TNR: variants seen among roughly 807,000 people sequenced by gnomAD.
TNR encodes tenascin-R.
Under a neutral mutation model 150.4 loss-of-function variants are expected in TNR, and 45 were observed. The ratio of observed to expected loss-of-function variants is 0.30; its 90% CI spans 0.24 to 0.38. TNR has a LOEUF of 0.38. Ranked by LOEUF, TNR falls within the 10% of genes least tolerant of loss-of-function variation. The probability of loss-of-function intolerance (pLI) is 1.00; values close to 1 mark genes in which losing one functional copy is unlikely to be tolerated. For missense variants in TNR, 1,544 were observed against 1,759.1 expected (o/e 0.88, Z 2.19); for synonymous variants, 687 against 678.4 (o/e 1.01, Z -0.20).
At position 175,320,186 on chromosome 1, in the gene TNR, C is replaced by A. The variant is rs1257639938; in HGVS notation, c.*3171G>T. 6.6e-6 allele frequency: 1 copy of A among 152,160 alleles called. No individual in the cohort carries two copies. The highest frequency in any genetic ancestry group is 2.4e-5 in the African/African-American group (1 of 41,382). The allele number at this position is 152,160 out of a possible 1,614,324, so 9.4% of individuals were successfully genotyped here. A position where few individuals can be genotyped will look rare whatever the true frequency, so the allele number is the denominator to read the frequency against. ...GAAACTGGTGTGCATAGGGTGGGTG[C>A]TTTGAGAGTATTGCTTACTGGATCT... On this transcript the variant is annotated 3_prime_UTR_variant, in exon 23 of 23. Transcript: ENST00000367674.
In TNR at chr1:175,565,128, A is replaced by G. The variant is rs373510870; in HGVS notation, c.-164-36759T>C. Among the ~76,000 whole-genome samples, 12 of 152,348 alleles carry G rather than the reference A, an allele frequency of 7.9e-5. No homozygotes were observed. The East Asian group carries it at 1.7e-3, about 22-fold the overall frequency. ...GAATCCTGGATCTTAAGAAAATCAC[A>G]AAAGTTTGGCTTTCTTTTCTTTTTA... On this transcript the variant is annotated intron_variant, in intron 1 of 22. Transcript: ENST00000367674.
At position 175,362,958 on chromosome 1, in the gene TNR, T is replaced by TGAAGAGGAATGTTGA. The variant is rs1651672121; in HGVS notation, c.2708-150_2708-149insTCAACATTCCTCTTC. Reference sequence around the variant, plus strand: ...TACATGGTTCATGGGCTGGGAATGTTGGAGTGTGAAGAGGCTTTGCACACT... The same window carrying TGAAGAGGAATGTTGA: ...TACATGGTTCATGGGCTGGGAATGTTGAAGAGGAATGTTGAGGAGTGTGAAGAGGCTTTGCACACT... On this transcript the variant is annotated intron_variant, in intron 13 of 22. Coordinates refer to ENST00000367674, the MANE Select transcript of TNR (RefSeq NM_003285.3). The TGAAGAGGAATGTTGA allele has an allele frequency of 2.9e-6, 3 of 1,037,952 alleles. No individual in the cohort carries two copies. The East Asian group carries it at 7.4e-5, about 26-fold the overall frequency. The allele number at this position is 1,037,952 out of a possible 1,614,324, so 64.3% of individuals were successfully genotyped here.
chr1:175,448,921 G>A (rs1410597787), intron 2 of TNR, among the ~76,000 whole-genome samples: 1 of 152,178 alleles, frequency 6.6e-6, no homozygotes, highest in African/African-American at 2.4e-5. Flanking sequence ...ACAGAAGAGT[G>A]GTCTGGTCAA....
chr1:175,409,076 C>T (rs2629487), intron 2 of TNR, among the ~76,000 whole-genome samples: 104,179 of 152,064 alleles, frequency 0.69, 36,087 homozygotes, highest in East Asian at 0.83. Flanking sequence ...AAGCTCTACT[C>T]GCCTTCTCAC....
chr1:175,681,881 C>G (rs765101121), intron 1 of TNR, among the ~76,000 whole-genome samples: 4 of 152,200 alleles, frequency 2.6e-5, no homozygotes, highest in Non-Finnish European at 4.4e-5. Context: ...GCTTCATGCT[C>G]TCAGGGTGAA....
chr1:175,685,832 T>C (rs910098743), intron 1 of TNR, among the ~76,000 whole-genome samples: 27 of 146,840 alleles, frequency 1.8e-4, no homozygotes, highest in Admixed American at 1.6e-3. Context: ...GTTCCTTTTT[T>C]ACTCAAACAA....
chr1:175,401,816 TAGA>T (rs979995926), intron 4 of TNR, among the ~76,000 whole-genome samples: 1 of 152,182 alleles, frequency 6.6e-6, no homozygotes, highest in African/African-American at 2.4e-5. Flanking sequence ...ATTGCTCCAT[TAGA>T]AGGTTTAAAA....
intron 1 of TNR, among the ~76,000 whole-genome samples, chr1:175,643,580 A>G (rs1463221778): frequency 6.6e-6 from 1 of 152,178 alleles, no homozygotes; most frequent in African/African-American, 2.4e-5. Context: ...AAACAAAATA[A>G]AGGATGGTTT....
intron 1 of TNR, among the ~76,000 whole-genome samples, chr1:175,570,553 T>C (rs1661824552): frequency 6.6e-6 from 1 of 152,194 alleles, no homozygotes; most frequent in African/African-American, 2.4e-5. Context: ...TATGTAAAGA[T>C]TCCCCACAAA....
intron 2 of TNR, among the ~76,000 whole-genome samples, chr1:175,421,513 CA>C (rs1557923542): frequency 6.6e-6 from 1 of 152,142 alleles, no homozygotes; most frequent in Non-Finnish European, 1.5e-5. Flanking sequence ...TTATATTCAT[CA>C]GGGGCTGTTA....
Position 175,403,337 on chromosome 1 carries a change from T to C in TNR, c.779A>G (p.Asp260Gly). The C allele has an allele frequency of 6.2e-7, 1 of 1,614,064 alleles. No individual in the cohort carries two copies. The highest frequency in any genetic ancestry group is 1.1e-5 in the South Asian group (1 of 91,076). Residue 260 changes from aspartate (D) to glycine (G), a missense_variant, in exon 4 of 23, where the codon GAC (aspartate) becomes GGC (glycine). This residue lies in a region of TNR where 1,254 missense variants were observed against 1,329.4 expected (regional missense o/e 0.94). Transcript: ENST00000367674. ...CCCAGGGCACCTCAGTTCCCTGCAG[T>C]CCTCGCCAGTGTAGGGCTCTTCACA... is the stretch of plus-strand genomic sequence containing the variant. The part of the protein sequence containing the change: ...CVCEEPYTGE[D>G]CRELRCPGDC...
At chr1:175,505,243 C>T (rs6425350) in intron 2 of TNR, among the ~76,000 whole-genome samples, 1 of 152,170 alleles carries the variant, frequency 6.6e-6, no homozygotes, top group African/African-American at 2.4e-5. Flanking sequence ...CGGCTCTGCG[C>T]CACAGTACGA....
At chr1:175,349,066 A>G (rs1162148722) in intron 18 of TNR, among the ~76,000 whole-genome samples, 1 of 152,226 alleles carries the variant, frequency 6.6e-6, no homozygotes, top group Non-Finnish European at 1.5e-5. Flanking sequence ...AGATTATCAA[A>G]AATGACAAAG....
At chr1:175,438,651 C>G (rs1426310057) in intron 2 of TNR, among the ~76,000 whole-genome samples, 1 of 152,182 alleles carries the variant, frequency 6.6e-6, no homozygotes, top group African/African-American at 2.4e-5. Flanking sequence ...CCCAAAATCT[C>G]CTTAAGCTGA....
chr1:175,603,179 C>T (rs950047245), intron 1 of TNR, among the ~76,000 whole-genome samples: 1 of 152,190 alleles, frequency 6.6e-6, no homozygotes, highest in Non-Finnish European at 1.5e-5. Context: ...AGACCTGGCA[C>T]TAAAGTATAA....
chr1:175,596,514 G>C lies in TNR; in HGVS notation c.-164-68145C>G, dbSNP rs1011562857. Among the ~76,000 whole-genome samples, 20 of 152,290 alleles carry C rather than the reference G, an allele frequency of 1.3e-4. 1 individual carries two copies. The highest frequency in any genetic ancestry group is 4.8e-4 in the African/African-American group (20 of 41,564). On this transcript the variant is annotated intron_variant, in intron 1 of 22. Coordinates refer to ENST00000367674, the MANE Select transcript of TNR (RefSeq NM_003285.3). Reference sequence around the variant, plus strand: ...GATTCTGCAAAAGAAAAAGAACTTTGAGAGTTCTTCTGAAAATCAATGATC... The same window carrying C: ...GATTCTGCAAAAGAAAAAGAACTTTCAGAGTTCTTCTGAAAATCAATGATC...
rs749776843 is a variant in TNR at position 175,379,580 on chromosome 1, A to G, written c.1935T>C (p.Ile645=). 6 of 1,613,822 alleles carry G rather than the reference A, an allele frequency of 3.7e-6. No individual in the cohort carries two copies. Among genetic ancestry groups the G allele is most frequent in the Non-Finnish European group, 3.4e-6 (4 of 1,180,002 alleles). The change falls in exon 9 of 23, where the codon ATT becomes ATC. Residue 645 remains isoleucine (I), a synonymous_variant. Transcript: ENST00000367674. ...TCAGGGTGGCCCTGGTGGTTGGACC[A>G]ATGCCCCTGGGGACCAGTACCTCAT... ...QYHEVLVPRG[I]GPTTRATLTD... is the part of the protein sequence containing the mutation.
chr1:175,542,729 G>GTCT (rs953830993), intron 1 of TNR, among the ~76,000 whole-genome samples: 11 of 152,290 alleles, frequency 7.2e-5, no homozygotes, highest in African/African-American at 2.4e-4. Context: ...TTGGTCCAAA[G>GTCT]TCTTTACTTA....
chr1:175,523,924 A>T (rs1199350932), intron 2 of TNR, among the ~76,000 whole-genome samples: 2 of 152,104 alleles, frequency 1.3e-5, no homozygotes, highest in Non-Finnish European at 2.9e-5. Context: ...CAGCGTCTAC[A>T]CGTCAGGCTG....
Sources: allele counts gnomAD v4.1 joint callset (sites outside exome capture counted in the v4.1 genomes callset), GRCh38; gene constraint gnomAD v4.1.1; regional missense constraint gnomAD v4.1.1; transcripts MANE v1.5; gene names NCBI Gene and HGNC (gene_info 2026-07-23, HGNC 2026-07-21).